HSP90B1: variants seen among roughly 807,000 people sequenced by gnomAD.
HSP90B1 encodes the protein endoplasmin.
A neutral mutation model predicts 100.4 loss-of-function variants in HSP90B1; 27 were observed. That is an observed-to-expected ratio of 0.27 (90% CI 0.20 to 0.37). HSP90B1 has a LOEUF of 0.37. Ranked by LOEUF, HSP90B1 falls within the 10% of genes least tolerant of loss-of-function variation. The pLI is 1.00. For missense variants in HSP90B1, 678 were observed against 960.5 expected (o/e 0.71, Z 3.89); for synonymous variants, 304 against 330.8 (o/e 0.92, Z 0.88).
chr12:103,937,561 A>G, intron 5 of HSP90B1, 134 bp from the exon 6 acceptor site: 1 of 629,274 alleles, frequency 1.6e-6, no homozygotes, highest in South Asian at 1.7e-5. Context: ...CTTGTTGGTG[A>G]TGGAGAGTTA....
chr12:103,942,855 C>G (rs1246753231), intron 12 of HSP90B1, 59 bp downstream of exon 12: 1 of 1,584,870 alleles, frequency 6.3e-7, no homozygotes, highest in Non-Finnish European at 8.6e-7. Context: ...GATTTATAGC[C>G]AACTCTTGAG....
Position 103,941,816 on chromosome 12 carries a change from C to A in HSP90B1, c.1309-16C>A. ...GTGGTTTTATTGCTCACTGAACTTT[C>A]TTTTGCCATCTGAAGGTGGACTCAG... On this transcript the variant is annotated splice_polypyrimidine_tract_variant and intron_variant, in intron 10 of 17. Transcript: ENST00000299767. 6.2e-6 allele frequency: 10 copies of A among 1,613,252 alleles called. No homozygotes were observed. Among genetic ancestry groups the A allele is most frequent in the Non-Finnish European group, 8.5e-6 (10 of 1,179,238 alleles).
intron 16 of HSP90B1, 131 bp from the exon 17 acceptor site, chr12:103,947,180 A>T: frequency 1.6e-6 from 2 of 1,289,372 alleles, no homozygotes; most frequent in South Asian, 3.0e-5. Context: ...TTGGCTGTTC[A>T]TTCTAGTTAA....
chr12:103,947,294 A>G lies in HSP90B1; in HGVS notation c.2263-17A>G, dbSNP rs752068201. The G allele has an allele frequency of 2.5e-6, 4 of 1,573,530 alleles. No homozygotes were observed. The African/African-American group carries it at 5.5e-5, about 22-fold the overall frequency. ...ATAAATCCAAGGCATTAATGGGCCCATAAATGTTGTGTTTAGGTGGAAGAA... is the reference window on the plus strand; with the variant it reads ...ATAAATCCAAGGCATTAATGGGCCCGTAAATGTTGTGTTTAGGTGGAAGAA... On this transcript the variant is annotated splice_polypyrimidine_tract_variant and intron_variant, in intron 16 of 17. Coordinates refer to ENST00000299767, the MANE Select transcript of HSP90B1 (RefSeq NM_003299.3).
chr12:103,938,534 A>G (rs929616874), intron 7 of HSP90B1, 75 bp downstream of exon 7: 9 of 1,507,294 alleles, frequency 6.0e-6, no homozygotes, highest in Non-Finnish European at 8.0e-6. Context: ...CTAAGTATGC[A>G]CTGGCTGATT....
intron 14 of HSP90B1, among the ~76,000 whole-genome samples, 155 bp from the exon 15 acceptor site, chr12:103,946,463 A>G (rs1372472660): frequency 1.3e-5 from 2 of 152,032 alleles, no homozygotes; most frequent in East Asian, 1.9e-4. Context: ...AAAATAGCAT[A>G]TAAGTTCAAA....
In HSP90B1 at chr12:103,932,953, G is replaced by A. The variant is rs2136212643; in HGVS notation, c.411+11G>A. 7.5e-7 allele frequency: 1 copy of A among 1,329,514 alleles called. No homozygotes were observed. The highest frequency in any genetic ancestry group is 1.1e-6 in the Non-Finnish European group (1 of 922,050). The allele number at this position is 1,329,514 out of a possible 1,614,324, so 82.4% of individuals were successfully genotyped here. On this transcript the variant is annotated intron_variant, in intron 4 of 17. Transcript: ENST00000299767. The stretch of plus-strand genomic sequence containing the variant: ...ACAGTCAAAATTAAGGTAAGTGTAA[G>A]GCAGTTTTTCTTTCTTTTAAAGGAA...
intron 3 of HSP90B1, 149 bp downstream of exon 3, chr12:103,932,567 G>C: frequency 1.4e-6 from 1 of 715,676 alleles, no homozygotes. Flanking sequence ...ATTGCTACCA[G>C]ATATCTGGGA....
Position 103,947,823 on chromosome 12 carries a change from A to G in HSP90B1, c.*161A>G, listed in dbSNP as rs961493484. ...CAGGAAAAAGTGGGTTTTTTAGTTG[A>G]ATTTTTTTTAACATTCCTCATGAAT... On this transcript the variant is annotated 3_prime_UTR_variant, in exon 18 of 18. Coordinates refer to ENST00000299767, the MANE Select transcript of HSP90B1 (RefSeq NM_003299.3). 2.9e-6 allele frequency: 2 copies of G among 680,898 alleles called. No individual in the cohort carries two copies. The highest frequency in any genetic ancestry group is 5.4e-6 in the Non-Finnish European group (2 of 373,080). 42.2% of individuals were successfully genotyped at this position (680,898 alleles called of 1,614,324 possible).
Position 103,946,947 on chromosome 12 carries a change from T to C in HSP90B1, c.2262+6T>C. ...ACATTGACCCTGATGCAAAGGTTTG[T>C]ATCCCCAACCTTCCCGCAAAGGCTG... is the stretch of plus-strand genomic sequence containing the variant. On this transcript the variant is annotated splice_donor_region_variant and intron_variant, in intron 16 of 17. Coordinates refer to ENST00000299767, the MANE Select transcript of HSP90B1 (RefSeq NM_003299.3). 6.2e-7 allele frequency: 1 copy of C among 1,609,224 alleles called. No individual in the cohort carries two copies. The highest frequency in any genetic ancestry group is 8.5e-7 in the Non-Finnish European group (1 of 1,178,386).
At chr12:103,939,421 C>T (rs542104586) in intron 7 of HSP90B1, 88 bp from the exon 8 acceptor site, 16 of 627,034 alleles carry the variant, frequency 2.6e-5, no homozygotes, top group Admixed American at 8.7e-5. Flanking sequence ...TTTACATAGT[C>T]TTTTGAAATC....
Position 103,941,574 on chromosome 12 carries a change from G to C in HSP90B1, c.1230+27G>C, listed in dbSNP as rs773881030. On this transcript the variant is annotated intron_variant, in intron 9 of 17. Transcript: ENST00000299767. ...TGAGTTTTTAAGTAGTACATGCTGC[G>C]TTTAAAATTTGAAAGTTTAATTTCC... 7 of 1,613,794 alleles carry C rather than the reference G, an allele frequency of 4.3e-6. No individual in the cohort carries two copies. In the Admixed American group the frequency reaches 1.0e-4, roughly 23 times the overall value.
chr12:103,931,787 G>A (rs1869772052), intron 2 of HSP90B1, 164 bp downstream of exon 2: 1 of 671,766 alleles, frequency 1.5e-6, no homozygotes, highest in Non-Finnish European at 2.8e-6. Flanking sequence ...CTTGTCCCTA[G>A]GAGTGATGAA....
intron 14 of HSP90B1, among the ~76,000 whole-genome samples, chr12:103,945,279 C>G (rs1214748100): frequency 6.6e-6 from 1 of 152,016 alleles, no homozygotes; most frequent in African/African-American, 2.4e-5. Flanking sequence ...CTAGCTCTAG[C>G]CTGGGTAACA....
chr12:103,946,399 G>C (rs1227508829), intron 14 of HSP90B1, among the ~76,000 whole-genome samples: 2 of 152,010 alleles, frequency 1.3e-5, no homozygotes, highest in East Asian at 1.9e-4. Context: ...TTTTCTATCT[G>C]AGTTTGGTTG....
chr12:103,942,411 A>C (rs985794288), intron 11 of HSP90B1, 116 bp from the exon 12 acceptor site: 2 of 914,510 alleles, frequency 2.2e-6, no homozygotes, highest in Non-Finnish European at 3.3e-6. Flanking sequence ...CCTGCCCCTC[A>C]ATAAATGGCA....
chr12:103,934,928 C>G (rs557658449), intron 5 of HSP90B1, among the ~76,000 whole-genome samples: 2 of 152,034 alleles, frequency 1.3e-5, no homozygotes, highest in African/African-American at 4.8e-5. Context: ...CTCGAACTCC[C>G]GACCTCACGT....
In HSP90B1 at chr12:103,932,426, A is replaced by G; in HGVS notation, c.294+8A>G. The G allele has an allele frequency of 6.2e-7, 1 of 1,603,124 alleles. No homozygotes were observed. Among genetic ancestry groups the G allele is most frequent in the Non-Finnish European group, 8.5e-7 (1 of 1,174,246 alleles). On this transcript the variant is annotated splice_region_variant and intron_variant, in intron 3 of 17. Transcript: ENST00000299767. Reference sequence around the variant, plus strand: ...TTGTATAAAAATAAAGAGGTAAGCAACATGTGGTTAGAATATTTTATCTCT... The same window carrying G: ...TTGTATAAAAATAAAGAGGTAAGCAGCATGTGGTTAGAATATTTTATCTCT...
intron 1 of HSP90B1, 40 bp from the exon 2 acceptor site, chr12:103,931,481 A>G (rs757864396): frequency 9.6e-6 from 14 of 1,464,758 alleles, no homozygotes; most frequent in Non-Finnish European, 1.3e-5. Flanking sequence ...CTCCTTGGAG[A>G]AGTGTGATGT....
Sources: gnomAD v4.1 joint callset for allele counts (sites outside exome capture counted in the v4.1 genomes callset) on GRCh38, gnomAD v4.1.1 for gene constraint, MANE v1.5 for transcripts, NCBI Gene and HGNC (gene_info 2026-07-23, HGNC 2026-07-21) for gene names.